The following CTBP2 variants were observed in gnomAD, a reference collection of about 807,000 sequenced individuals.
CTBP2 encodes C-terminal binding protein 2, also known as C-terminal-binding protein 2.
CTBP2 carries 30 observed loss-of-function variants against 80.3 expected under a neutral mutation model. The observed-to-expected ratio is 0.37, with a 90% CI of 0.28 to 0.51. The LOEUF (loss-of-function observed/expected upper bound fraction) is 0.51, where lower values mean the gene tolerates loss of function less well. Ranked by LOEUF, CTBP2 falls within the 20% of genes least tolerant of loss-of-function variation. CTBP2 has a pLI of 0.93. For synonymous variants in CTBP2, 594 were observed against 587.4 expected (o/e 1.01, Z -0.16); for missense variants, 1,212 against 1,375.3 (o/e 0.88, Z 1.88).
intron 1 of CTBP2, among the ~76,000 whole-genome samples, chr10:125,117,570 G>A (rs184665137): frequency 1.3e-5 from 2 of 152,304 alleles, no homozygotes; most frequent in African/African-American, 4.8e-5. Flanking sequence ...TGGAGTCCAA[G>A]TTTGGTTGGC....
chr10:124,992,741 T>C lies in CTBP2; in HGVS notation c.2731A>G (p.Ile911Val), dbSNP rs1352175127. 3 of 1,609,426 alleles carry C rather than the reference T, an allele frequency of 1.9e-6. No individual in the cohort carries two copies. Among genetic ancestry groups the C allele is most frequent in the Admixed American group, 1.7e-5 (1 of 59,670 alleles). ...TCAGGATGAATTGCTTGCTGGTCTA[T>C]TACTGACCAAGGCGCTGATGTGACA... The change falls in exon 8 of 9, where the codon ATA becomes GTA. Residue 911 changes from isoleucine (I) to valine (V), a missense_variant. By Grantham distance (29) the Ile-to-Val change is conservative. Transcript: ENST00000309035.
rs946766292 is a variant in CTBP2, at chr10:125,103,652, G to A, written c.-102+7338C>T. ...CATGCAGAAGAGACAAAGTGGCCTC[G>A]AGCAGCTGGAGCCAAGGTCTCCTAG... is the stretch of plus-strand genomic sequence containing the variant. On this transcript the variant is annotated intron_variant, in intron 2 of 10. Coordinates refer to the CTBP2 transcript ENST00000337195. Among the ~76,000 whole-genome samples, 4 of 152,242 alleles carry A rather than the reference G, an allele frequency of 2.6e-5. No homozygotes were observed. In the South Asian group the frequency reaches 6.2e-4, roughly 24 times the overall value.
chr10:125,113,082 T>C (rs993286350), intron 1 of CTBP2, among the ~76,000 whole-genome samples: 1 of 152,096 alleles, frequency 6.6e-6, no homozygotes, highest in Non-Finnish European at 1.5e-5. Context: ...CAAGGTCAAG[T>C]AGTAATTCAC....
At chr10:125,126,736 C>G (rs1049590958) in intron 1 of CTBP2, among the ~76,000 whole-genome samples, 174 of 89,724 alleles carry the variant, frequency 1.9e-3, no homozygotes, top group Non-Finnish European at 3.3e-3. Flanking sequence ...CTGATCACCA[C>G]CCCCCGCTAT....
rs147839697 is a variant in CTBP2 at position 125,060,641 on chromosome 10, T to G, written c.-101-21486A>C. 4.2e-3 allele frequency among the ~76,000 whole-genome samples: 634 copies of G among 152,350 alleles called. 3 individuals carry two copies. The highest frequency in any genetic ancestry group is 5.2e-3 in the Non-Finnish European group (354 of 68,036). ...GAGTTTCCATCTCTGCCTGTGATTA[T>G]GTGCAGGGCAGTCATGCGGAAGAGG... On this transcript the variant is annotated intron_variant, in intron 2 of 10. Transcript: ENST00000337195.
intron 1 of CTBP2, among the ~76,000 whole-genome samples, chr10:125,129,223 C>A (rs1008578721): frequency 2.8e-4 from 42 of 152,182 alleles, no homozygotes; most frequent in African/African-American, 9.9e-4. Context: ...CTGAGATGAT[C>A]AGGGAGGTGA....
chr10:125,081,736 G>A (rs963503012), intron 2 of CTBP2, among the ~76,000 whole-genome samples: 8 of 152,078 alleles, frequency 5.3e-5, no homozygotes, highest in African/African-American at 1.9e-4. Context: ...AAGATTGACT[G>A]ATATTTTCCC....
intron 2 of CTBP2, among the ~76,000 whole-genome samples, chr10:125,059,214 GT>G (rs1650053550): frequency 6.6e-6 from 1 of 152,300 alleles, no homozygotes; most frequent in South Asian, 2.1e-4. Context: ...GCTGGGTTTT[GT>G]TGGCTTATAG....
chr10:125,124,311 A>G (rs1590934203), intron 1 of CTBP2, among the ~76,000 whole-genome samples: 1 of 152,280 alleles, frequency 6.6e-6, no homozygotes, highest in East Asian at 1.9e-4. Flanking sequence ...AAGGGCTGGC[A>G]TACTCGACGC....
chr10:125,125,715 G>A (rs76899271), intron 1 of CTBP2, among the ~76,000 whole-genome samples: 10,971 of 152,266 alleles, frequency 0.072, 557 homozygotes, highest in Middle Eastern at 0.13. Context: ...GAGTGATGGG[G>A]ACGCGAATGT....
Position 124,985,282 on chromosome 10 carries a change from T to C in CTBP2, c.*4236A>G. 1 of 281,946 alleles carries C rather than the reference T, an allele frequency of 3.5e-6. No homozygotes were observed. The highest frequency in any genetic ancestry group is 6.6e-6 in the Non-Finnish European group (1 of 151,472). 17.5% of individuals were successfully genotyped at this position (281,946 alleles called of 1,614,324 possible). On this transcript the variant is annotated 3_prime_UTR_variant, in exon 9 of 9. Transcript: ENST00000309035. The stretch of plus-strand genomic sequence containing the variant: ...TGTCTATAAATGTAACGCATGTGGT[T>C]GTGTAAGACATTGTTTAATAGGAAA...
rs191698368 is a variant in CTBP2, at chr10:125,052,101, G to A, written c.-101-12946C>T. Among the ~76,000 whole-genome samples, 4 of 152,280 alleles carry A rather than the reference G, an allele frequency of 2.6e-5. No individual in the cohort carries two copies. The East Asian group carries it at 5.8e-4, about 22-fold the overall frequency. Reference sequence around the variant, plus strand: ...AGCACGCCAACACATGCCAACAGACGGGAGGCTCGCACCTATCGGTGGGGG... The same window carrying A: ...AGCACGCCAACACATGCCAACAGACAGGAGGCTCGCACCTATCGGTGGGGG... On this transcript the variant is annotated intron_variant, in intron 2 of 10. Coordinates refer to the CTBP2 transcript ENST00000337195.
intron 1 of CTBP2, among the ~76,000 whole-genome samples, chr10:125,127,673 T>G (rs1324215420): frequency 6.6e-6 from 1 of 152,156 alleles, no homozygotes; most frequent in Admixed American, 6.5e-5. Context: ...AACCCAGGCC[T>G]GGCATCTGTT....
At position 124,989,670 on chromosome 10, in the gene CTBP2, G is replaced by A. The variant is rs773234721; in HGVS notation, c.2806C>T (p.Pro936Ser). The A allele has an allele frequency of 1.9e-6, 3 of 1,598,502 alleles. No individual in the cohort carries two copies. In the Admixed American group the frequency reaches 5.1e-5, roughly 27 times the overall value. ...TCCATGGCTGCAGGAAGTCCTCCTGGAGCCACACCCACGATGCCTGGCGGA... is the reference window on the plus strand; with the variant it reads ...TCCATGGCTGCAGGAAGTCCTCCTGAAGCCACACCCACGATGCCTGGCGGA... Residue 936 changes from proline (P) to serine (S), a missense_variant, in exon 9 of 9, where the codon CCA becomes TCA. By Grantham distance (74) the Pro-to-Ser change is moderately conservative. Around this residue, in one of 3 missense-constraint regions of CTBP2, gnomAD observed 335 missense variants for 504.7 expected, o/e 0.66. Coordinates refer to ENST00000309035, the MANE Select transcript of CTBP2 (RefSeq NM_022802.3).
intron 1 of CTBP2, among the ~76,000 whole-genome samples, chr10:125,143,958 T>C (rs949896921): frequency 6.6e-6 from 1 of 152,014 alleles, no homozygotes; most frequent in African/African-American, 2.4e-5. Context: ...ATTAGTCAGG[T>C]CATAATTTCT....
At chr10:125,056,519 G>T (rs1963973332) in intron 2 of CTBP2, among the ~76,000 whole-genome samples, 1 of 152,196 alleles carries the variant, frequency 6.6e-6, no homozygotes. Context: ...AGCCCAGGAG[G>T]CCCAGAGCCT....
In CTBP2 at chr10:125,023,928, C is replaced by A. The variant is rs1014408123; in HGVS notation, c.1678+2154G>T. The stretch of plus-strand genomic sequence containing the variant: ...TCCAGAAGGGCGTTCCTTGTCCCTC[C>A]GATGGGAGGGAAGCACTTGAGTTAG... On this transcript the variant is annotated intron_variant, in intron 1 of 8. Coordinates refer to ENST00000309035, the MANE Select transcript of CTBP2 (RefSeq NM_022802.3). Among the ~76,000 whole-genome samples the A allele has an allele frequency of 4.6e-5, 7 of 152,292 alleles. No homozygotes were observed. In the South Asian group the frequency reaches 1.2e-3, roughly 27 times the overall value.
chr10:125,106,570 C>T (rs2135878932), intron 2 of CTBP2, among the ~76,000 whole-genome samples: 1 of 152,324 alleles, frequency 6.6e-6, no homozygotes, highest in East Asian at 1.9e-4. Flanking sequence ...GGACACCACG[C>T]CTCCATTTCC....
chr10:125,072,418 C>T (rs930331872), intron 2 of CTBP2, among the ~76,000 whole-genome samples: 1 of 152,088 alleles, frequency 6.6e-6, no homozygotes, highest in East Asian at 1.9e-4. Context: ...AGTTTGACAC[C>T]AGCCTTGCCA....
Sources: allele counts gnomAD v4.1 joint callset (sites outside exome capture counted in the v4.1 genomes callset), GRCh38; gene constraint gnomAD v4.1.1; regional missense constraint gnomAD v4.1.1; transcripts MANE v1.5; gene names NCBI Gene and HGNC (gene_info 2026-07-23, HGNC 2026-07-21).